PLXDC1: variants seen among roughly 807,000 people sequenced by gnomAD.
PLXDC1 encodes plexin domain-containing protein 1.
In PLXDC1, 39 loss-of-function variants were observed where a neutral mutation model predicts 61.3. The ratio of observed to expected loss-of-function variants is 0.64; its 90% confidence interval spans 0.49 to 0.83. The LOEUF (loss-of-function observed/expected upper bound fraction) is 0.83. Ranked by LOEUF, PLXDC1 falls within the 40% of genes least tolerant of loss-of-function variation. The pLI, the probability that PLXDC1 is intolerant of heterozygous loss-of-function variation, is 0.00. For synonymous variants in PLXDC1, 212 were observed against 254.5 expected (o/e 0.83, Z 1.59); for missense variants, 596 against 666.5 (o/e 0.89, Z 1.17).
intron 1 of PLXDC1, among the ~76,000 whole-genome samples, chr17:39,140,835 T>C (rs1911914171): frequency 6.6e-6 from 1 of 152,226 alleles, no homozygotes; most frequent in African/African-American, 2.4e-5. Context: ...GATAATTCCT[T>C]TTCCAATTTT....
chr17:39,110,628 G>A (rs188044601), intron 2 of PLXDC1, among the ~76,000 whole-genome samples: 285 of 152,366 alleles, frequency 1.9e-3, no homozygotes, highest in Middle Eastern at 0.014. Flanking sequence ...CCTGTGAGGA[G>A]CCCTGGGTCA....
chr17:39,088,873 T>G (rs1598190716), intron 7 of PLXDC1, among the ~76,000 whole-genome samples: 1 of 134,872 alleles, frequency 7.4e-6, no homozygotes, highest in South Asian at 2.3e-4. Context: ...CGCTTGAACC[T>G]GGGAGGCAGA....
Position 39,064,838 on chromosome 17 carries a change from T to G in PLXDC1, c.*3002A>C, listed in dbSNP as rs1213552932. The G allele has an allele frequency of 6.6e-6, 1 of 152,154 alleles. No homozygotes were observed. Among genetic ancestry groups the G allele is most frequent in the Non-Finnish European group, 1.5e-5 (1 of 68,052 alleles). The allele number at this position is 152,154 out of a possible 1,614,324, so 9.4% of individuals were successfully genotyped here. A position where few individuals can be genotyped will look rare whatever the true frequency, so the allele number is the denominator to read the frequency against. Reference sequence around the variant, plus strand: ...CAGTGCAGCAAAGAGTTGGGTTCCTTTCAAGCTTCTAAAGGACACAGTGGG... The same window carrying G: ...CAGTGCAGCAAAGAGTTGGGTTCCTGTCAAGCTTCTAAAGGACACAGTGGG... On this transcript the variant is annotated 3_prime_UTR_variant, in exon 14 of 14. Transcript: ENST00000315392.
At chr17:39,116,695 GCTT>G (rs1910977589) in intron 2 of PLXDC1, among the ~76,000 whole-genome samples, 7 of 152,246 alleles carry the variant, frequency 4.6e-5, no homozygotes, top group Admixed American at 1.3e-4. Context: ...GAGAAACCCA[GCTT>G]CAACACGGAG....
intron 13 of PLXDC1, among the ~76,000 whole-genome samples, chr17:39,068,570 A>G (rs185398691): frequency 4.5e-4 from 68 of 152,310 alleles, no homozygotes; most frequent in Admixed American, 3.1e-3. Flanking sequence ...GCAACTACTC[A>G]GAAGGTTGAG....
intron 2 of PLXDC1, among the ~76,000 whole-genome samples, chr17:39,129,487 C>T (rs145543269): frequency 3.3e-4 from 50 of 151,536 alleles, no homozygotes; most frequent in Admixed American, 9.9e-4. Flanking sequence ...CATGGTGGCA[C>T]GCGCCTGTAG....
chr17:39,087,432 C>G (rs1430502062), intron 8 of PLXDC1, among the ~76,000 whole-genome samples, 175 bp downstream of exon 8: 2 of 152,158 alleles, frequency 1.3e-5, no homozygotes, highest in African/African-American at 4.8e-5. Context: ...GGTTCTCACC[C>G]TTACCCTATC....
chr17:39,063,357 T>C lies in PLXDC1; in HGVS notation c.*4483A>G. 1 of 652,238 alleles carries C rather than the reference T, an allele frequency of 1.5e-6. No homozygotes were observed. The highest frequency in any genetic ancestry group is 2.8e-6 in the Non-Finnish European group (1 of 363,510). 40.4% of individuals were successfully genotyped at this position (652,238 alleles called of 1,614,324 possible). On this transcript the variant is annotated 3_prime_UTR_variant, in exon 14 of 14. Transcript: ENST00000315392. ...TATGTCCTCAGACAGTAGATAAAAA[T>C]GCATGGGGTTTACTTCCAGGGATTT...
At position 39,106,648 on chromosome 17, in the gene PLXDC1, C is replaced by CTTTTTTTTTTTTT. The variant is rs199666120; in HGVS notation, c.712-696_712-695insAAAAAAAAAAAAA. ...GCCTTCTTTTTTCTTTTTTCTTTTT[C>CTTTTTTTTTTTTT]TTTCTTTTTTTTTTTTTTTGAGACA... On this transcript the variant is annotated intron_variant, in intron 6 of 13. Transcript: ENST00000315392. Among the ~76,000 whole-genome samples, 85 of 122,522 alleles carry CTTTTTTTTTTTTT rather than the reference C, an allele frequency of 6.9e-4. 5 individuals are homozygous for CTTTTTTTTTTTTT. Among genetic ancestry groups the CTTTTTTTTTTTTT allele is most frequent in the Non-Finnish European group, 9.2e-4 (55 of 60,040 alleles). The allele number at this position is 122,522 out of a possible 152,430, so 80.4% of individuals were successfully genotyped here. A position where few individuals can be genotyped will look rare whatever the true frequency, so the allele number is the denominator to read the frequency against.
chr17:39,093,914 C>T (rs1464413598), intron 7 of PLXDC1, among the ~76,000 whole-genome samples: 1 of 152,072 alleles, frequency 6.6e-6, no homozygotes, highest in Admixed American at 6.5e-5. Context: ...GCTGAGGTGG[C>T]GAGGGGTTCA....
chr17:39,111,178 C>T (rs1567764363), intron 2 of PLXDC1, among the ~76,000 whole-genome samples: 1 of 152,166 alleles, frequency 6.6e-6, no homozygotes, highest in African/African-American at 2.4e-5. Context: ...CCTCAAGCCA[C>T]CAATGGTCAC....
At position 39,102,611 on chromosome 17, in the gene PLXDC1, G is replaced by C. The variant is rs1431923882; in HGVS notation, c.811+3243C>G. On this transcript the variant is annotated intron_variant, in intron 7 of 13. Transcript: ENST00000315392. ...TGGACTATCAGGCAGCCATTAAAGA[G>C]AAGAATGAGGCAGCTCACTGTGTGC... Among the ~76,000 whole-genome samples the C allele has an allele frequency of 5.3e-5, 8 of 152,110 alleles. No homozygotes were observed. In the East Asian group the frequency reaches 1.5e-3, roughly 29 times the overall value.
chr17:39,113,768 T>C (rs1910884366), intron 2 of PLXDC1, among the ~76,000 whole-genome samples: 3 of 152,004 alleles, frequency 2.0e-5, no homozygotes, highest in Admixed American at 2.0e-4. Context: ...GGAGGATCCC[T>C]TAAGCCCAGG....
chr17:39,093,239 T>G (rs988645473), intron 7 of PLXDC1, among the ~76,000 whole-genome samples: 3 of 151,980 alleles, frequency 2.0e-5, no homozygotes, highest in African/African-American at 7.3e-5. Flanking sequence ...CTGGTAATTT[T>G]TTTTTATTCT....
At chr17:39,108,687 GAC>G in intron 4 of PLXDC1, 2 of 586,000 alleles carry the variant, frequency 3.4e-6, no homozygotes, top group South Asian at 3.9e-5. Context: ...GGCCCGAGGA[GAC>G]ACACACGTGC....
At chr17:39,105,752 C>T (rs1415495217) in intron 7 of PLXDC1, 102 bp downstream of exon 7, 1 of 693,848 alleles carries the variant, frequency 1.4e-6, no homozygotes, top group Non-Finnish European at 2.5e-6. Context: ...ACTCTCTGCC[C>T]CTTGTCTACT....
chr17:39,085,975 C>A (rs1359299532), intron 8 of PLXDC1, among the ~76,000 whole-genome samples: 1 of 152,144 alleles, frequency 6.6e-6, no homozygotes, highest in Non-Finnish European at 1.5e-5. Context: ...TTCATAACAC[C>A]TACTGACCTT....
At position 39,108,248 on chromosome 17, in the gene PLXDC1, A is replaced by G. The variant is rs1186223972; in HGVS notation, c.470-3T>C. On this transcript the variant is annotated splice_region_variant and splice_polypyrimidine_tract_variant and intron_variant, in intron 4 of 13. Coordinates refer to ENST00000315392, the MANE Select transcript of PLXDC1 (RefSeq NM_020405.5). Reference sequence around the variant, plus strand: ...CACGTCCCCCATGAAGATGAAGCCTAGGGTGGGAGAGGTGCAGAGGAGTCA... The same window carrying G: ...CACGTCCCCCATGAAGATGAAGCCTGGGGTGGGAGAGGTGCAGAGGAGTCA... 6.2e-7 allele frequency: 1 copy of G among 1,613,724 alleles called. No individual in the cohort carries two copies. The highest frequency in any genetic ancestry group is 1.7e-5 in the Admixed American group (1 of 60,028).
At chr17:39,150,755 G>A (rs917298478) in intron 1 of PLXDC1, among the ~76,000 whole-genome samples, 1 of 152,174 alleles carries the variant, frequency 6.6e-6, no homozygotes, top group Admixed American at 6.5e-5. Context: ...GTGTGAGGAG[G>A]GGGACTCTTG....
Sources: gnomAD v4.1 joint callset for allele counts (sites outside exome capture counted in the v4.1 genomes callset) on GRCh38, gnomAD v4.1.1 for gene constraint, MANE v1.5 for transcripts, NCBI Gene and HGNC (gene_info 2026-07-23, HGNC 2026-07-21) for gene names.